LMNB1: variants seen among roughly 807,000 people sequenced by gnomAD.
LMNB1 encodes the protein lamin B1, also known as lamin-B1.
A neutral mutation model predicts 67.1 loss-of-function variants in LMNB1; 23 were observed. The ratio of observed to expected loss-of-function variants is 0.34; its 90% CI spans 0.25 to 0.49. The LOEUF (loss-of-function observed/expected upper bound fraction) is 0.49, where lower values mean the gene tolerates loss of function less well. Among genes scored for constraint, LMNB1 ranks in the 20% least tolerant of loss-of-function variants. The pLI is 0.99. For synonymous variants in LMNB1, 281 were observed against 282.9 expected (o/e 0.99, Z 0.07); for missense variants, 634 against 746.5 (o/e 0.85, Z 1.76).
intron 3 of LMNB1, among the ~76,000 whole-genome samples, chr5:126,809,171 A>G (rs1751526391): frequency 6.6e-6 from 1 of 152,242 alleles, no homozygotes; most frequent in Non-Finnish European, 1.5e-5. Context: ...CACCGCGCCC[A>G]GCCTTCCATT....
intron 2 of LMNB1, 94 bp from the exon 3 acceptor site, chr5:126,805,477 T>TAAC: frequency 1.2e-6 from 1 of 832,384 alleles, no homozygotes; most frequent in Non-Finnish European, 1.9e-6. Flanking sequence ...ATAGGAATTT[T>TAAC]AACACTTGAT....
intron 5 of LMNB1, among the ~76,000 whole-genome samples, chr5:126,815,573 A>G (rs999050747): frequency 1.3e-5 from 2 of 152,334 alleles, no homozygotes; most frequent in East Asian, 3.9e-4. Context: ...TAAAATATTT[A>G]AAAACCCCAA....
chr5:126,793,861 A>G (rs531092234), intron 1 of LMNB1, among the ~76,000 whole-genome samples: 8 of 151,998 alleles, frequency 5.3e-5, no homozygotes, highest in Admixed American at 5.3e-4. Flanking sequence ...GGGCAACAAG[A>G]GTGAAACTCC....
intron 1 of LMNB1, among the ~76,000 whole-genome samples, chr5:126,783,055 C>T (rs1378268938): frequency 7.9e-5 from 12 of 150,982 alleles, no homozygotes; most frequent in East Asian, 2.0e-4. Context: ...AAAAATCAGC[C>T]GGGCGTGGTG....
At chr5:126,818,770 G>T (rs923707921) in intron 5 of LMNB1, 152 bp from the exon 6 acceptor site, 2 of 613,258 alleles carry the variant, frequency 3.3e-6, no homozygotes, top group Non-Finnish European at 5.8e-6. Context: ...AGGAATTTTG[G>T]GTTTTAATTT....
chr5:126,828,650 C>T (rs2973886), intron 9 of LMNB1, among the ~76,000 whole-genome samples: 40,938 of 150,774 alleles, frequency 0.27, 6,129 homozygotes, highest in South Asian at 0.39. Flanking sequence ...AGCACGATCT[C>T]GGCTCACTGC....
At chr5:126,831,955 G>A (rs1412481209) in intron 9 of LMNB1, among the ~76,000 whole-genome samples, 3 of 151,862 alleles carry the variant, frequency 2.0e-5, no homozygotes, top group Non-Finnish European at 4.4e-5. Flanking sequence ...AGCTCCCCCC[G>A]CCCCACCCCT....
At chr5:126,786,060 T>C (rs1166351372) in intron 1 of LMNB1, among the ~76,000 whole-genome samples, 1 of 151,378 alleles carries the variant, frequency 6.6e-6, no homozygotes, top group East Asian at 1.9e-4. Context: ...GACATTTATT[T>C]TGTGCCAATT....
At chr5:126,827,956 A>G (rs1752037394) in intron 9 of LMNB1, among the ~76,000 whole-genome samples, 1 of 152,188 alleles carries the variant, frequency 6.6e-6, no homozygotes, top group Admixed American at 6.5e-5. Context: ...GAGGAAGCAC[A>G]CTGAGGGCAA....
At chr5:126,828,349 A>G (rs1273805315) in intron 9 of LMNB1, among the ~76,000 whole-genome samples, 1 of 152,156 alleles carries the variant, frequency 6.6e-6, no homozygotes, top group Non-Finnish European at 1.5e-5. Context: ...AGTTAGAAAC[A>G]ATGTTATAGG....
At chr5:126,806,856 C>T (rs917876805) in intron 3 of LMNB1, among the ~76,000 whole-genome samples, 6 of 152,052 alleles carry the variant, frequency 3.9e-5, no homozygotes, top group Non-Finnish European at 7.4e-5. Context: ...TGGCTCACTG[C>T]AACCTCTGCC....
chr5:126,829,545 T>C (rs1407051011), intron 9 of LMNB1, among the ~76,000 whole-genome samples: 2 of 151,776 alleles, frequency 1.3e-5, no homozygotes, highest in Non-Finnish European at 2.9e-5. Context: ...CTTTCTCTCC[T>C]CGTTCCTGAC....
chr5:126,787,546 A>ATATATATATATATTTTTTTTT, intron 1 of LMNB1, among the ~76,000 whole-genome samples: 4 of 65,576 alleles, frequency 6.1e-5, no homozygotes, highest in African/African-American at 2.6e-4. Context: ...ATATATATAT[A>ATATATATATATATTTTTTTTT]TTTTTTTTTT....
intron 1 of LMNB1, among the ~76,000 whole-genome samples, chr5:126,800,951 CTA>C (rs57113826): frequency 0.065 from 3,078 of 47,244 alleles, 292 homozygotes; most frequent in African/African-American, 0.13. Context: ...TGCAGCCAGA[CTA>C]TATATATATA....
chr5:126,786,796 T>A lies in LMNB1; in HGVS notation c.359+8929T>A, dbSNP rs369581869. On this transcript the variant is annotated intron_variant, in intron 1 of 10. Coordinates refer to ENST00000261366, the MANE Select transcript of LMNB1 (RefSeq NM_005573.4). Reference sequence around the variant, plus strand: ...CCTTCAAGGGAGGTAATTTTGGATTTGTCAGAAGGGTAGTGGTCAGTAGTT... The same window carrying A: ...CCTTCAAGGGAGGTAATTTTGGATTAGTCAGAAGGGTAGTGGTCAGTAGTT... Among the ~76,000 whole-genome samples, 4 of 152,218 alleles carry A rather than the reference T, an allele frequency of 2.6e-5. No individual in the cohort carries two copies. In the South Asian group the frequency reaches 8.3e-4, roughly 32 times the overall value.
Position 126,818,995 on chromosome 5 carries a change from T to C in LMNB1, c.1013T>C (p.Met338Thr). Residue 338 changes from methionine to threonine, a missense_variant, in exon 6 of 11, where the codon ATG (methionine) becomes ACG (threonine). Coordinates refer to ENST00000261366, the MANE Select transcript of LMNB1 (RefSeq NM_005573.4). ...LAKEKDNSRR[M>T]LTDKEREMAE... Reference sequence around the variant, plus strand: ...AAAGAAAAAGACAACTCTCGTCGCATGCTGACAGACAAAGAGAGAGAGATG... The same window carrying C: ...AAAGAAAAAGACAACTCTCGTCGCACGCTGACAGACAAAGAGAGAGAGATG... 1 of 1,614,166 alleles carries C rather than the reference T, an allele frequency of 6.2e-7. No homozygotes were observed. Among genetic ancestry groups the C allele is most frequent in the Non-Finnish European group, 8.5e-7 (1 of 1,180,012 alleles).
intron 1 of LMNB1, among the ~76,000 whole-genome samples, chr5:126,797,796 C>T (rs1311643084): frequency 6.6e-6 from 1 of 152,172 alleles, no homozygotes; most frequent in Non-Finnish European, 1.5e-5. Context: ...ATTGATTTGG[C>T]TGAGTGCAGT....
Position 126,777,596 on chromosome 5 carries a change from C to G in LMNB1, c.88C>G (p.Leu30Val). The G allele has an allele frequency of 6.5e-7, 1 of 1,531,926 alleles. No homozygotes were observed. The highest frequency in any genetic ancestry group is 8.8e-7 in the Non-Finnish European group (1 of 1,139,490). 94.9% of individuals were successfully genotyped at this position (1,531,926 alleles called of 1,614,324 possible). Residue 30 changes from leucine (L) to valine (V), a missense_variant, in exon 1 of 11, where the codon CTC becomes GTC. By Grantham distance (32) the Leu-to-Val change is conservative. Transcript: ENST00000261366. ...TPLSPTRLSR[L>V]QEKEELRELN... The stretch of plus-strand genomic sequence containing the variant: ...GCTGAGCCCCACGCGCCTGTCGCGG[C>G]TCCAGGAGAAGGAGGAGCTGCGCGA...
Position 126,795,130 on chromosome 5 carries a change from C to CTTTTT in LMNB1, c.360-9635_360-9631dup, listed in dbSNP as rs55837872. Among the ~76,000 whole-genome samples, 599 of 128,916 alleles carry CTTTTT rather than the reference C, an allele frequency of 4.6e-3. 39 individuals carry two copies. The highest frequency in any genetic ancestry group is 0.013 in the Middle Eastern group (3 of 224). 84.6% of individuals were successfully genotyped at this position (128,916 alleles called of 152,430 possible). A position where few individuals can be genotyped will look rare whatever the true frequency, so the allele number is the denominator to read the frequency against. ...GGAATATGCTAACTAATTCCTTTTC[C>CTTTTT]TTTTTTTTTTTTTTTAAATAAGGAT... On this transcript the variant is annotated intron_variant, in intron 1 of 10. Transcript: ENST00000261366.
Sources: gnomAD v4.1 joint callset for allele counts (sites outside exome capture counted in the v4.1 genomes callset) on GRCh38, gnomAD v4.1.1 for gene constraint, MANE v1.5 for transcripts, NCBI Gene and HGNC (gene_info 2026-07-23, HGNC 2026-07-21) for gene names.